Variants in NRDC observed in about 807,000 individuals in gnomAD.
NRDC encodes nardilysin.
Under a neutral mutation model 147.1 loss-of-function variants are expected in NRDC, and 54 were observed. That is an observed-to-expected ratio of 0.37 (90% CI 0.29 to 0.46). The LOEUF is 0.46. Among genes scored for constraint, NRDC ranks in the 20% least tolerant of loss-of-function variants. NRDC has a pLI of 1.00. For missense variants in NRDC, 1,082 were observed against 1,370.6 expected (o/e 0.79, Z 3.33); for synonymous variants, 440 against 482.1 (o/e 0.91, Z 1.14).
rs752487262 is a variant in NRDC, at chr1:51,840,389, T to C, written c.467A>G (p.Asp156Gly). The C allele has an allele frequency of 5.3e-6, 8 of 1,519,498 alleles. No individual in the cohort carries two copies. Among genetic ancestry groups the C allele is most frequent in the Non-Finnish European group, 7.2e-6 (8 of 1,113,592 alleles). The allele number at this position is 1,519,498 out of a possible 1,614,324, so 94.1% of individuals were successfully genotyped here. A position where few individuals can be genotyped will look rare whatever the true frequency, so the allele number is the denominator to read the frequency against. ...TATTTCAGCTCCAGAATCTTCATCA[T>C]CATCTTCTTCTTCTTCCTCCACCTC... ...EEEVEEEEED[D>G]DEDSGAEIED... is the part of the protein sequence containing the mutation. Residue 156 changes from aspartate to glycine, a missense_variant, in exon 2 of 31, where the codon GAT (aspartate) becomes GGT (glycine). By Grantham distance (94) the Asp-to-Gly change is moderately conservative. This residue lies in a region of NRDC where 260 missense variants were observed against 253.2 expected (regional missense o/e 1.03). Coordinates refer to ENST00000352171, the MANE Select transcript of NRDC (RefSeq NM_001101662.2).
chr1:51,791,678 A>G lies in NRDC; in HGVS notation c.2877-17T>C. 1 of 1,594,400 alleles carries G rather than the reference A, an allele frequency of 6.3e-7. No homozygotes were observed. The highest frequency in any genetic ancestry group is 8.6e-7 in the Non-Finnish European group (1 of 1,162,082). On this transcript the variant is annotated splice_polypyrimidine_tract_variant and intron_variant, in intron 26 of 30. Coordinates refer to ENST00000352171, the MANE Select transcript of NRDC (RefSeq NM_001101662.2). ...ACATGGTACCTACAAGCCAGAGAGA[A>G]AAGTTATATGAGCTCAGGTGATCAT...
intron 14 of NRDC, among the ~76,000 whole-genome samples, chr1:51,813,075 G>T (rs959595259): frequency 2.6e-5 from 4 of 151,736 alleles, no homozygotes; most frequent in Admixed American, 2.6e-4. Flanking sequence ...AGCCCAGTTT[G>T]AGGTAAGCCT....
intron 18 of NRDC, among the ~76,000 whole-genome samples, chr1:51,806,084 T>G (rs1019242932): frequency 1.3e-5 from 2 of 152,150 alleles, no homozygotes; most frequent in African/African-American, 4.8e-5. Flanking sequence ...CAGCCTATGA[T>G]TCCATGTGGC....
intron 8 of NRDC, among the ~76,000 whole-genome samples, chr1:51,820,983 G>C (rs762139111): frequency 1.3e-5 from 2 of 151,966 alleles, no homozygotes; most frequent in Non-Finnish European, 2.9e-5. Flanking sequence ...ACTGAAACTC[G>C]ACATACAATT....
intron 18 of NRDC, among the ~76,000 whole-genome samples, chr1:51,806,380 C>A (rs1679464472): frequency 6.6e-6 from 1 of 151,990 alleles, no homozygotes; most frequent in African/African-American, 2.4e-5. Flanking sequence ...ATACCTGGCT[C>A]TGCTTTCATT....
intron 2 of NRDC, chr1:51,839,951 AATAC>A (rs1213726893): frequency 1.9e-5 from 5 of 258,738 alleles, no homozygotes; most frequent in Non-Finnish European, 2.9e-5. Flanking sequence ...CATAAATTCA[AATAC>A]CTCTGAGTGT....
Position 51,810,332 on chromosome 1 carries a change from C to T in NRDC, c.1852G>A (p.Gly618Arg). ...NLVLLSGANE[G>R]KCDLKEKWFG... is the part of the protein sequence containing the mutation. ...CATTTCTCCTTGAGGTCACATTTTCCCTCATTAGCACCAGACAGTAAAACA... is the reference window on the plus strand; with the variant it reads ...CATTTCTCCTTGAGGTCACATTTTCTCTCATTAGCACCAGACAGTAAAACA... The change falls in exon 16 of 31, where the codon GGA becomes AGA. Residue 618 changes from glycine (G) to arginine (R), a missense_variant. Around this residue, in one of 3 missense-constraint regions of NRDC, gnomAD observed 635 missense variants for 923.8 expected, o/e 0.69. Transcript: ENST00000352171. 6.2e-7 allele frequency: 1 copy of T among 1,611,854 alleles called. No individual in the cohort carries two copies. The highest frequency in any genetic ancestry group is 8.5e-7 in the Non-Finnish European group (1 of 1,178,556).
chr1:51,859,455 T>C (rs899685447), intron 1 of NRDC, among the ~76,000 whole-genome samples: 5 of 152,258 alleles, frequency 3.3e-5, no homozygotes, highest in South Asian at 2.1e-4. Context: ...TCTCAATGCC[T>C]AGGCCACCAG....
intron 22 of NRDC, among the ~76,000 whole-genome samples, chr1:51,796,127 C>T (rs1678893514): frequency 1.3e-5 from 2 of 151,912 alleles, no homozygotes; most frequent in South Asian, 4.1e-4. Context: ...GCGATTCTGC[C>T]ACCTTAGCCT....
rs749430590 is a variant in NRDC, at chr1:51,798,422, G to T, written c.2442-11C>A. 1.9e-6 allele frequency: 3 copies of T among 1,572,344 alleles called. No individual in the cohort carries two copies. Among genetic ancestry groups the T allele is most frequent in the Admixed American group, 3.7e-5 (2 of 54,442 alleles). ...AAAAGCCGTACATCTCTGTACAGAG[G>T]GCAGAAAAAAAACACTCAAAGTTTT... is the stretch of plus-strand genomic sequence containing the variant. On this transcript the variant is annotated splice_polypyrimidine_tract_variant and intron_variant, in intron 21 of 30. Coordinates refer to ENST00000352171, the MANE Select transcript of NRDC (RefSeq NM_001101662.2).
intron 15 of NRDC, 143 bp from the exon 16 acceptor site, chr1:51,810,547 C>G (rs1284319577): frequency 1.5e-6 from 1 of 663,122 alleles, no homozygotes; most frequent in Non-Finnish European, 2.4e-6. Flanking sequence ...CCCTAATTTA[C>G]AAAGTCTCAA....
Position 51,791,553 on chromosome 1 carries a change from CTCATCTAT to C in NRDC, c.2960+17_2960+24del, listed in dbSNP as rs1453096096. On this transcript the variant is annotated intron_variant, in intron 27 of 30. Transcript: ENST00000352171. ...CTCTCCATGTCCATAATAGGTTACACTCATCTATTCACTCACTCACTCACTTGTATTTG... is the reference window on the plus strand; with the variant it reads ...CTCTCCATGTCCATAATAGGTTACACTCACTCACTCACTCACTTGTATTTG... 1.3e-6 allele frequency: 2 copies of C among 1,560,250 alleles called. No homozygotes were observed. The highest frequency in any genetic ancestry group is 2.7e-5 in the African/African-American group (2 of 73,824).
chr1:51,875,968 T>C (rs891411104), intron 1 of NRDC, among the ~76,000 whole-genome samples: 3 of 152,198 alleles, frequency 2.0e-5, no homozygotes, highest in African/African-American at 7.2e-5. Context: ...ATTTATTACA[T>C]TATATTTGAC....
intron 1 of NRDC, among the ~76,000 whole-genome samples, chr1:51,849,820 AC>A (rs1681851665): frequency 6.6e-6 from 1 of 151,548 alleles, no homozygotes; most frequent in Admixed American, 6.6e-5. Context: ...TGTCTCAAAA[AC>A]AAAAAAAAAG....
Position 51,811,984 on chromosome 1 carries a change from A to C in NRDC, c.1779+10T>G, listed in dbSNP as rs1679743293. On this transcript the variant is annotated intron_variant, in intron 15 of 30. Coordinates refer to ENST00000352171, the MANE Select transcript of NRDC (RefSeq NM_001101662.2). ...CTAAAAGTAAGTTTTAGACGTATAA[A>C]CCTCCTTACTTCTGGCTTGTATTCA... The C allele has an allele frequency of 3.1e-6, 5 of 1,588,410 alleles. No individual in the cohort carries two copies. Among genetic ancestry groups the C allele is most frequent in the Non-Finnish European group, 4.3e-6 (5 of 1,156,870 alleles).
intron 1 of NRDC, among the ~76,000 whole-genome samples, chr1:51,854,264 A>G: frequency 6.6e-6 from 1 of 152,188 alleles, no homozygotes; most frequent in East Asian, 1.9e-4. Context: ...GCTACTCAGG[A>G]GGCTGAGGCA....
At chr1:51,852,486 A>G (rs1682006007) in intron 1 of NRDC, among the ~76,000 whole-genome samples, 1 of 144,922 alleles carries the variant, frequency 6.9e-6, no homozygotes, top group Admixed American at 6.9e-5. Context: ...TACATTATAT[A>G]TAACATGTAT....
Position 51,805,617 on chromosome 1 carries a change from A to T in NRDC, c.2111-56T>A. ...GTTAGGGGCCTCAGATATTTTATACATCTGTTATTTTCCCCTAATATATAT... is the reference window on the plus strand; with the variant it reads ...GTTAGGGGCCTCAGATATTTTATACTTCTGTTATTTTCCCCTAATATATAT... On this transcript the variant is annotated intron_variant, in intron 18 of 30. Transcript: ENST00000352171. 6 of 1,076,558 alleles carry T rather than the reference A, an allele frequency of 5.6e-6. No individual in the cohort carries two copies. The South Asian group carries it at 8.7e-5, about 16-fold the overall frequency. The allele number at this position is 1,076,558 out of a possible 1,614,324, so 66.7% of individuals were successfully genotyped here.
At chr1:51,840,746 G>A (rs924453975) in intron 1 of NRDC, among the ~76,000 whole-genome samples, 3 of 152,076 alleles carry the variant, frequency 2.0e-5, no homozygotes, top group South Asian at 2.1e-4. Context: ...CATAATATAC[G>A]CTGTTTGTAT....
Sources: allele counts gnomAD v4.1 joint callset (sites outside exome capture counted in the v4.1 genomes callset), GRCh38; gene constraint gnomAD v4.1.1; regional missense constraint gnomAD v4.1.1; transcripts MANE v1.5; gene names NCBI Gene and HGNC (gene_info 2026-07-23, HGNC 2026-07-21).